Variants in SUCLG2 observed in about 807,000 individuals in gnomAD.
SUCLG2 encodes succinate--CoA ligase [GDP-forming] subunit beta, mitochondrial.
In SUCLG2, 42 loss-of-function variants were observed where a neutral mutation model predicts 47.9. The observed-to-expected ratio is 0.88, with a 90% confidence interval of 0.69 to 1.14. The LOEUF (loss-of-function observed/expected upper bound fraction) is 1.14, where lower values mean the gene tolerates loss of function less well. SUCLG2 is among the 50% of genes most tolerant of loss of function. The pLI is 0.00. For synonymous variants in SUCLG2, 195 were observed against 197.3 expected (o/e 0.99, Z 0.10); for missense variants, 571 against 525.9 (o/e 1.09, Z -0.84).
At chr3:67,393,589 G>A (rs554451183) in intron 10 of SUCLG2, among the ~76,000 whole-genome samples, 7 of 152,322 alleles carry the variant, frequency 4.6e-5, no homozygotes, top group African/African-American at 1.7e-4. Context: ...CACCTTTGGG[G>A]GCAGGGCACA....
intron 1 of SUCLG2, among the ~76,000 whole-genome samples, chr3:67,619,609 C>T (rs923673762): frequency 1.3e-5 from 2 of 152,148 alleles, no homozygotes; most frequent in Non-Finnish European, 2.9e-5. Context: ...GTTGCTGGAT[C>T]GGTTTCCCTA....
chr3:67,477,291 C>T (rs1704787895), intron 9 of SUCLG2, among the ~76,000 whole-genome samples: 1 of 152,118 alleles, frequency 6.6e-6, no homozygotes, highest in Admixed American at 6.6e-5. Context: ...GTACAAGCTC[C>T]ACCATTTGGC....
chr3:67,409,629 T>G (rs1473804199), intron 9 of SUCLG2, among the ~76,000 whole-genome samples: 1 of 152,140 alleles, frequency 6.6e-6, no homozygotes, highest in Non-Finnish European at 1.5e-5. Context: ...TTACACATAA[T>G]TACAACTAAA....
chr3:67,473,727 C>A (rs1042982194), intron 9 of SUCLG2, among the ~76,000 whole-genome samples: 2 of 152,246 alleles, frequency 1.3e-5, no homozygotes, highest in Non-Finnish European at 2.9e-5. Flanking sequence ...AGTAGCAGTA[C>A]CACCAGTCTT....
chr3:67,446,417 AT>A (rs750956324), intron 9 of SUCLG2, among the ~76,000 whole-genome samples: 3,705 of 31,232 alleles, frequency 0.12, 537 homozygotes, highest in Non-Finnish European at 0.15. Flanking sequence ...ACATATGTAC[AT>A]TTTTTTTTTT....
intron 10 of SUCLG2, among the ~76,000 whole-genome samples, chr3:67,384,122 G>T (rs561045489): frequency 1.4e-4 from 22 of 152,310 alleles, no homozygotes; most frequent in African/African-American, 4.8e-4. Flanking sequence ...GTGTCACTCA[G>T]TGTGATTCTG....
intron 1 of SUCLG2, among the ~76,000 whole-genome samples, chr3:67,633,245 A>G (rs1315968534): frequency 6.6e-6 from 1 of 152,246 alleles, no homozygotes; most frequent in Non-Finnish European, 1.5e-5. Flanking sequence ...GACTGTCTCA[A>G]GTAAAATTTC....
At chr3:67,589,776 C>G (rs75895329) in intron 2 of SUCLG2, among the ~76,000 whole-genome samples, 5,036 of 152,238 alleles carry the variant, frequency 0.033, 267 homozygotes, top group African/African-American at 0.11. Context: ...TCACAACGCA[C>G]AGTGAAGCTG....
At chr3:67,570,876 CAG>C (rs1266495273) in intron 2 of SUCLG2, among the ~76,000 whole-genome samples, 1 of 152,142 alleles carries the variant, frequency 6.6e-6, no homozygotes, top group Non-Finnish European at 1.5e-5. Context: ...CATGAGCACT[CAG>C]TGAGTTTTGT....
intron 1 of SUCLG2, among the ~76,000 whole-genome samples, chr3:67,629,059 G>T (rs754089604): frequency 6.6e-6 from 1 of 152,186 alleles, no homozygotes; most frequent in Non-Finnish European, 1.5e-5. Context: ...AGCATAATCT[G>T]TTCGGTACGC....
At chr3:67,433,396 C>A (rs1703535300) in intron 9 of SUCLG2, among the ~76,000 whole-genome samples, 1 of 152,072 alleles carries the variant, frequency 6.6e-6, no homozygotes, top group Non-Finnish European at 1.5e-5. Context: ...TGAAAGGAAC[C>A]AATTTTATTC....
intron 2 of SUCLG2, among the ~76,000 whole-genome samples, chr3:67,536,528 A>C (rs918454178): frequency 1.3e-5 from 2 of 152,112 alleles, no homozygotes; most frequent in Non-Finnish European, 2.9e-5. Context: ...GCCAGTTTTC[A>C]CACTAAACCT....
At chr3:67,477,460 C>T (rs60133342) in intron 9 of SUCLG2, among the ~76,000 whole-genome samples, 4,165 of 152,144 alleles carry the variant, frequency 0.027, 76 homozygotes, top group South Asian at 0.063. Context: ...TTTGGGAGGC[C>T]GAGGCAGGCA....
chr3:67,406,968 T>G (rs1328038361), intron 9 of SUCLG2, among the ~76,000 whole-genome samples: 1 of 152,140 alleles, frequency 6.6e-6, no homozygotes, highest in East Asian at 1.9e-4. Context: ...GCAGGGCAGT[T>G]AGGAATAGCT....
intron 2 of SUCLG2, among the ~76,000 whole-genome samples, chr3:67,588,143 C>T (rs987807917): frequency 6.6e-6 from 1 of 152,154 alleles, no homozygotes; most frequent in Non-Finnish European, 1.5e-5. Context: ...AAATATCATG[C>T]AGCTGCTTCT....
intron 9 of SUCLG2, among the ~76,000 whole-genome samples, chr3:67,415,835 T>A (rs2106846918): frequency 6.6e-6 from 1 of 152,344 alleles, no homozygotes; most frequent in East Asian, 1.9e-4. Flanking sequence ...CTGTACTTAG[T>A]GATTCATTCT....
At chr3:67,548,325 CTAG>C (rs1706920453) in intron 2 of SUCLG2, among the ~76,000 whole-genome samples, 2 of 151,962 alleles carry the variant, frequency 1.3e-5, no homozygotes, top group South Asian at 2.1e-4. Context: ...TGTCAAATGA[CTAG>C]TAAATATCCA....
At chr3:67,600,227 G>C (rs1018630565) in intron 2 of SUCLG2, among the ~76,000 whole-genome samples, 3 of 151,966 alleles carry the variant, frequency 2.0e-5, no homozygotes, top group African/African-American at 4.8e-5. Context: ...TTCACACTTG[G>C]GTGTTATTGC....
At chr3:67,506,251 C>T (rs1346928624) in intron 7 of SUCLG2, among the ~76,000 whole-genome samples, 5 of 152,118 alleles carry the variant, frequency 3.3e-5, no homozygotes, top group Non-Finnish European at 1.5e-5. Context: ...TGATGAAGAT[C>T]AATTTGTACA....
Sources: gnomAD v4.1 joint callset for allele counts (sites outside exome capture counted in the v4.1 genomes callset) on GRCh38, gnomAD v4.1.1 for gene constraint, MANE v1.5 for transcripts, NCBI Gene and HGNC (gene_info 2026-07-23, HGNC 2026-07-21) for gene names.